The following CLEC2D variants were observed in gnomAD, a reference collection of about 807,000 sequenced individuals.
CLEC2D encodes the protein C-type lectin domain family 2 member D, also known as C-type lectin related f.
A neutral mutation model predicts 20.0 loss-of-function variants in CLEC2D; 16 were observed. That is an observed-to-expected ratio of 0.80 (90% CI 0.54 to 1.22). The LOEUF (loss-of-function observed/expected upper bound fraction) is 1.22, where lower values mean the gene tolerates loss of function less well. Ranked by LOEUF, CLEC2D falls within the 50% of genes most tolerant of loss-of-function variation. The pLI is 0.00. For missense variants in CLEC2D, 207 were observed against 221.5 expected, an observed-to-expected ratio of 0.93 and a Z score of 0.42; for synonymous variants, 77 against 71.1, an observed-to-expected ratio of 1.08 and a Z score of -0.42.
intron 2 of CLEC2D, among the ~76,000 whole-genome samples, chr12:9,683,385 C>T (rs1203615651): frequency 3.2e-5 from 4 of 126,226 alleles, no homozygotes; most frequent in Admixed American, 2.6e-4. Flanking sequence ...AATTAGATCC[C>T]GCTTGTCAAT....
rs919584282 is a variant in CLEC2D at position 9,698,252 on chromosome 12, CTT to C, written c.*3379_*3380del. Reference sequence around the variant, plus strand: ...GGTGAGAACATTTGAAATTTATTCTCTTGACAATTTTGAAAGATCCAATACAC... The same window carrying C: ...GGTGAGAACATTTGAAATTTATTCTCGACAATTTTGAAAGATCCAATACAC... On this transcript the variant is annotated 3_prime_UTR_variant, in exon 5 of 5. Coordinates refer to ENST00000290855, the MANE Select transcript of CLEC2D (RefSeq NM_013269.6). The C allele has an allele frequency of 1.3e-4, 20 of 152,284 alleles. No homozygotes were observed. The highest frequency in any genetic ancestry group is 4.8e-4 in the African/African-American group (20 of 41,556). The allele number at this position is 152,284 out of a possible 1,614,324, so 9.4% of individuals were successfully genotyped here. A position where few individuals can be genotyped will look rare whatever the true frequency, so the allele number is the denominator to read the frequency against.
At chr12:9,685,640 C>A (rs1448743849) in intron 2 of CLEC2D, among the ~76,000 whole-genome samples, 1 of 152,222 alleles carries the variant, frequency 6.6e-6, no homozygotes, top group African/African-American at 2.4e-5. Flanking sequence ...TCCCCCAGGG[C>A]TTTGTTTACA....
At position 9,671,319 on chromosome 12, in the gene CLEC2D, G is replaced by T. The variant is rs767136233; in HGVS notation, c.61+1524G>T. Among the ~76,000 whole-genome samples, 10 of 152,264 alleles carry T rather than the reference G, an allele frequency of 6.6e-5. No individual in the cohort carries two copies. The South Asian group carries it at 2.1e-3, about 32-fold the overall frequency. On this transcript the variant is annotated intron_variant, in intron 1 of 4. Transcript: ENST00000290855. Reference sequence around the variant, plus strand: ...GCTCACTGCAAGCCCCGCCTCCTGGGTTCACGCCATTCTGCCTCAGCCTCC... The same window carrying T: ...GCTCACTGCAAGCCCCGCCTCCTGGTTTCACGCCATTCTGCCTCAGCCTCC...
intron 2 of CLEC2D, among the ~76,000 whole-genome samples, chr12:9,685,400 G>T (rs1273714877): frequency 6.6e-6 from 1 of 152,198 alleles, no homozygotes; most frequent in East Asian, 1.9e-4. Context: ...TTCAGAGCTG[G>T]CTGGCAGGAA....
In CLEC2D at chr12:9,688,065, G is replaced by C; in HGVS notation, c.336G>C (p.Gln112His). 6.2e-7 allele frequency: 1 copy of C among 1,603,928 alleles called. No homozygotes were observed. Among genetic ancestry groups the C allele is most frequent in the Non-Finnish European group, 8.5e-7 (1 of 1,175,010 alleles). ...FCDSQDADLA[Q>H]VESFQELNFL... ...ACTCACAAGATGCTGATCTTGCTCA[G>C]GTTGAAAGCTTCCAGGAACTGGTAA... Residue 112 changes from glutamine (Q) to histidine (H), a missense_variant, in exon 3 of 5, where the codon CAG (glutamine) becomes CAC (histidine). Coordinates refer to ENST00000290855, the MANE Select transcript of CLEC2D (RefSeq NM_013269.6).
chr12:9,674,743 TATG>T (rs780276172), intron 1 of CLEC2D, among the ~76,000 whole-genome samples: 12 of 152,182 alleles, frequency 7.9e-5, no homozygotes, highest in Non-Finnish European at 2.9e-5. Flanking sequence ...TCAAAAGACA[TATG>T]ATATTAATAA....
intron 1 of CLEC2D, chr12:9,680,211 A>G (rs771129433): frequency 1.2e-5 from 4 of 340,106 alleles, no homozygotes; most frequent in South Asian, 7.1e-5. Context: ...TCCTGCTGCC[A>G]TGTGAAGAAG....
chr12:9,695,519 C>A lies in CLEC2D; in HGVS notation c.*645C>A, dbSNP rs1239689162. 3 of 1,252,194 alleles carry A rather than the reference C, an allele frequency of 2.4e-6. No individual in the cohort carries two copies. In the East Asian group the frequency reaches 6.9e-5, roughly 29 times the overall value. 77.6% of individuals were successfully genotyped at this position (1,252,194 alleles called of 1,614,324 possible). On this transcript the variant is annotated 3_prime_UTR_variant, in exon 5 of 5. Coordinates refer to ENST00000290855, the MANE Select transcript of CLEC2D (RefSeq NM_013269.6). ...AAATGAGACCAGTTATCTTTAAGAA[C>A]GGTCAGCTCAGGGGCTGGTGCAAAG...
intron 1 of CLEC2D, chr12:9,680,252 G>C: frequency 3.2e-6 from 1 of 313,362 alleles, no homozygotes; most frequent in Non-Finnish European, 6.7e-6. Flanking sequence ...CACCATTATT[G>C]TAAGTTTCCT....
At chr12:9,684,361 ACTTT>A (rs768892567) in intron 2 of CLEC2D, among the ~76,000 whole-genome samples, 28 of 152,088 alleles carry the variant, frequency 1.8e-4, no homozygotes, top group East Asian at 1.2e-3. Flanking sequence ...TGTTGAATAC[ACTTT>A]CTTTCTTTCT....
intron 1 of CLEC2D, among the ~76,000 whole-genome samples, chr12:9,680,411 A>T (rs927344675): frequency 1.6e-4 from 25 of 152,294 alleles, no homozygotes; most frequent in African/African-American, 5.8e-4. Context: ...TGTGGCTCAG[A>T]GGCCCTCCAT....
At chr12:9,678,396 TC>T (rs1865567950) in intron 1 of CLEC2D, among the ~76,000 whole-genome samples, 1 of 152,212 alleles carries the variant, frequency 6.6e-6, no homozygotes, top group Non-Finnish European at 1.5e-5. Context: ...CCTGCAGACA[TC>T]ATATAGTTTA....
chr12:9,678,953 T>A (rs1466164818), intron 1 of CLEC2D, among the ~76,000 whole-genome samples: 1 of 152,230 alleles, frequency 6.6e-6, no homozygotes, highest in Non-Finnish European at 1.5e-5. Flanking sequence ...TTTTAGTGGT[T>A]ACCCTAGTGT....
chr12:9,695,703 G>A lies in CLEC2D; in HGVS notation c.*829G>A. On this transcript the variant is annotated 3_prime_UTR_variant, in exon 5 of 5. Transcript: ENST00000290855. ...ACTTAAGGTTGAAGTGTGGTTCAGG[G>A]CCAGTGCATATTAGTGGACAGCACT... is the stretch of plus-strand genomic sequence containing the variant. 6.4e-7 allele frequency: 1 copy of A among 1,566,066 alleles called. No individual in the cohort carries two copies. Among genetic ancestry groups the A allele is most frequent in the Non-Finnish European group, 8.7e-7 (1 of 1,146,154 alleles).
intron 2 of CLEC2D, 72 bp from the exon 3 acceptor site, chr12:9,687,830 C>G: frequency 1.1e-6 from 1 of 888,872 alleles, no homozygotes; most frequent in Non-Finnish European, 1.6e-6. Context: ...AGTATATTAG[C>G]ACTTGGTAAT....
At chr12:9,689,192 T>G (rs1865814586) in intron 3 of CLEC2D, among the ~76,000 whole-genome samples, 1 of 152,196 alleles carries the variant, frequency 6.6e-6, no homozygotes, top group South Asian at 2.1e-4. Context: ...ATAGTATGTG[T>G]TTTTCCTCCC....
At position 9,694,964 on chromosome 12, in the gene CLEC2D, CAACA is replaced by C; in HGVS notation, c.*91_*94del. On this transcript the variant is annotated 3_prime_UTR_variant, in exon 5 of 5. Transcript: ENST00000290855. ...TGAGCAAAGAATTTATTTCTTATAC[CAACA>C]GGTATATGAAAATATGCTCAATATC... 4 of 694,124 alleles carry C rather than the reference CAACA, an allele frequency of 5.8e-6. No individual in the cohort carries two copies. Among genetic ancestry groups the C allele is most frequent in the Non-Finnish European group, 1.0e-5 (4 of 386,456 alleles). 43.0% of individuals were successfully genotyped at this position (694,124 alleles called of 1,614,324 possible).
intron 1 of CLEC2D, chr12:9,680,280 G>T: frequency 3.8e-6 from 1 of 261,460 alleles, no homozygotes; most frequent in East Asian, 1.2e-4. Context: ...CCCCAGCCAT[G>T]TAGAATTGTG....
At chr12:9,680,527 T>G (rs1006672097) in intron 1 of CLEC2D, among the ~76,000 whole-genome samples, 3 of 152,340 alleles carry the variant, frequency 2.0e-5, no homozygotes, top group East Asian at 3.9e-4. Flanking sequence ...TCCAAAACAA[T>G]GCCTTTTAAG....
Sources: allele counts gnomAD v4.1 joint callset (sites outside exome capture counted in the v4.1 genomes callset), GRCh38; gene constraint gnomAD v4.1.1; transcripts MANE v1.5; gene names NCBI Gene and HGNC (gene_info 2026-07-23, HGNC 2026-07-21).